PCNX1: variants seen among roughly 807,000 people sequenced by gnomAD.
PCNX1 encodes pecanex-like protein 1.
In PCNX1, 78 loss-of-function variants were observed where a neutral mutation model predicts 242.2. That is an observed-to-expected ratio of 0.32 (90% confidence interval 0.27 to 0.39). The LOEUF is 0.39. Among genes scored for constraint, PCNX1 ranks in the 10% least tolerant of loss-of-function variants. The probability of loss-of-function intolerance (pLI) is 1.00; values close to 1 mark genes in which losing one functional copy is unlikely to be tolerated. For synonymous variants in PCNX1, 1,024 were observed against 1,032.9 expected (o/e 0.99, Z 0.17); for missense variants, 2,581 against 2,856.5 (o/e 0.90, Z 2.20).
chr14:71,009,702 G>A lies in PCNX1; in HGVS notation c.2698G>A (p.Ala900Thr), dbSNP rs1327937190. The part of the protein sequence containing the change: ...DMSLVNFEPA[A>T]RRASNICDTD... The stretch of plus-strand genomic sequence containing the variant: ...GTCACTTGTGAATTTTGAACCAGCA[G>A]CAAGAAGAGCATCCAATATCTGGTA... Residue 900 changes from alanine to threonine, a missense_variant, in exon 9 of 36, where the codon GCA becomes ACA. Physicochemically the swap from Ala to Thr is moderately conservative, Grantham distance 58. Coordinates refer to ENST00000304743, the MANE Select transcript of PCNX1 (RefSeq NM_014982.3). The A allele has an allele frequency of 1.3e-6, 2 of 1,598,926 alleles. No individual in the cohort carries two copies. The highest frequency in any genetic ancestry group is 1.7e-6 in the Non-Finnish European group (2 of 1,168,620).
intron 2 of PCNX1, among the ~76,000 whole-genome samples, chr14:70,955,737 A>G (rs2057968347): frequency 6.6e-6 from 1 of 152,232 alleles, no homozygotes; most frequent in Admixed American, 6.5e-5. Flanking sequence ...AGTCTTGCCA[A>G]TAAAGAAAAC....
rs755161488 is a variant in PCNX1 at position 70,959,086 on chromosome 14, T to TA, written c.363-3134dup. 7.9e-4 allele frequency among the ~76,000 whole-genome samples: 119 copies of TA among 151,208 alleles called. 2 individuals carry two copies. The highest frequency in any genetic ancestry group is 1.3e-3 in the Admixed American group (20 of 15,194). ...CTCTGTTTATACCAGGTAGAATTAG[T>TA]AAAAAACTCTGGGCAAAAAGTAGGA... On this transcript the variant is annotated intron_variant, in intron 2 of 35. Transcript: ENST00000304743.
At chr14:71,036,239 T>A in intron 19 of PCNX1, 82 bp downstream of exon 19, 1 of 869,188 alleles carries the variant, frequency 1.2e-6, no homozygotes, top group African/African-American at 1.7e-5. Context: ...AGTGCAGTGT[T>A]GCGATCACAG....
At chr14:70,946,864 T>C in intron 1 of PCNX1, 51 bp from the exon 2 acceptor site, 1 of 1,179,330 alleles carries the variant, frequency 8.5e-7, no homozygotes, top group Non-Finnish European at 1.2e-6. Flanking sequence ...TCTAATTGAA[T>C]ACGATATAAA....
In PCNX1 at chr14:71,026,841, A is replaced by C. The variant is rs1223493698; in HGVS notation, c.3425A>C (p.Tyr1142Ser). Reference protein sequence around the residue: ...LLPQVNTFVMYLCEQLDIHIF... With the variant: ...LLPQVNTFVMSLCEQLDIHIF... ...CCTCAGGTGAATACATTTGTAATGT[A>C]CCTTTGTGAACAATTGGATATTCAT... is the stretch of plus-strand genomic sequence containing the variant. The change falls in exon 15 of 36, where the codon TAC becomes TCC. Residue 1142 changes from tyrosine to serine, a missense_variant. Transcript: ENST00000304743. 1 of 1,575,114 alleles carries C rather than the reference A, an allele frequency of 6.3e-7. No individual in the cohort carries two copies. The highest frequency in any genetic ancestry group is 1.1e-5 in the South Asian group (1 of 89,680).
At chr14:71,072,505 A>G (rs1247382453) in intron 26 of PCNX1, among the ~76,000 whole-genome samples, 1 of 152,342 alleles carries the variant, frequency 6.6e-6, no homozygotes, top group East Asian at 1.9e-4. Context: ...TAGCTTGGCT[A>G]TAAAAACCTT....
At chr14:70,924,333 T>C (rs2056504241) in intron 1 of PCNX1, among the ~76,000 whole-genome samples, 1 of 151,938 alleles carries the variant, frequency 6.6e-6, no homozygotes, top group Admixed American at 6.6e-5. Flanking sequence ...CATAGAAAAG[T>C]CTCAAAGATA....
chr14:71,083,540 G>A (rs2061908499), intron 28 of PCNX1, among the ~76,000 whole-genome samples: 1 of 152,024 alleles, frequency 6.6e-6, no homozygotes, highest in Non-Finnish European at 1.5e-5. Flanking sequence ...TGGAGGCTTT[G>A]TTCGTTCCTT....
chr14:70,999,895 T>G (rs1366487131), intron 8 of PCNX1, among the ~76,000 whole-genome samples: 1 of 152,228 alleles, frequency 6.6e-6, no homozygotes, highest in Non-Finnish European at 1.5e-5. Context: ...CATTTTGGGC[T>G]ATTAGTACTT....
chr14:71,112,999 T>C lies in PCNX1; in HGVS notation c.*3064T>C, dbSNP rs1566819762. The C allele has an allele frequency of 6.6e-6, 1 of 152,220 alleles. No homozygotes were observed. The highest frequency in any genetic ancestry group is 1.5e-5 in the Non-Finnish European group (1 of 68,030). The allele number at this position is 152,220 out of a possible 1,614,324, so 9.4% of individuals were successfully genotyped here. The stretch of plus-strand genomic sequence containing the variant: ...TAATCTTCCAACTTATACCTTGGTG[T>C]GAACTCTCTTTTTACACCATTTTCA... On this transcript the variant is annotated 3_prime_UTR_variant, in exon 36 of 36. Transcript: ENST00000304743.
chr14:70,948,987 A>G (rs1283598461), intron 2 of PCNX1, among the ~76,000 whole-genome samples: 1 of 147,572 alleles, frequency 6.8e-6, no homozygotes, highest in African/African-American at 2.5e-5. Context: ...AAATGCTTAT[A>G]AATCTCAGCA....
chr14:71,051,731 A>T (rs1424319473), intron 23 of PCNX1, 152 bp from the exon 24 acceptor site: 1 of 660,472 alleles, frequency 1.5e-6, no homozygotes, highest in South Asian at 2.1e-5. Context: ...CCCCTTAATG[A>T]CTGCCCAGTG....
In PCNX1 at chr14:71,026,107, T is replaced by C. The variant is rs746380996; in HGVS notation, c.3184-10T>C. ...TAACCAAACTGACTTTTAAAAAATA[T>C]CATTTTCAGGGTCATAATCGTATCA... On this transcript the variant is annotated splice_polypyrimidine_tract_variant and intron_variant, in intron 13 of 35. Coordinates refer to ENST00000304743, the MANE Select transcript of PCNX1 (RefSeq NM_014982.3). 5.3e-6 allele frequency: 8 copies of C among 1,520,824 alleles called. No individual in the cohort carries two copies. In the East Asian group the frequency reaches 1.4e-4, roughly 27 times the overall value. 94.2% of individuals were successfully genotyped at this position (1,520,824 alleles called of 1,614,324 possible). A position where few individuals can be genotyped will look rare whatever the true frequency, so the allele number is the denominator to read the frequency against.
Position 70,988,597 on chromosome 14 carries a change from T to A in PCNX1, c.2342T>A (p.Phe781Tyr). ...CAAGCCAGCGAGGAGGCAGTGTCAT[T>A]TCGCCGTGAACGCAGCACATTTAGG... ...AAQASEEAVS[F>Y]RRERSTFRRQ... is the part of the protein sequence containing the mutation. Residue 781 changes from phenylalanine to tyrosine, a missense_variant, in exon 7 of 36, where the codon TTT becomes TAT. Coordinates refer to ENST00000304743, the MANE Select transcript of PCNX1 (RefSeq NM_014982.3). 6.2e-7 allele frequency: 1 copy of A among 1,614,092 alleles called. No homozygotes were observed. The highest frequency in any genetic ancestry group is 8.5e-7 in the Non-Finnish European group (1 of 1,179,972).
At chr14:70,917,154 T>C (rs1287767576) in intron 1 of PCNX1, among the ~76,000 whole-genome samples, 3 of 152,240 alleles carry the variant, frequency 2.0e-5, no homozygotes, top group African/African-American at 7.2e-5. Flanking sequence ...ATCTGTGGGA[T>C]TTCCTCCACT....
At position 71,057,796 on chromosome 14, in the gene PCNX1, C is replaced by T. The variant is rs374626917; in HGVS notation, c.4852+72C>T. 6 of 1,018,642 alleles carry T rather than the reference C, an allele frequency of 5.9e-6. No homozygotes were observed. In the East Asian group the frequency reaches 1.4e-4, roughly 24 times the overall value. The allele number at this position is 1,018,642 out of a possible 1,614,324, so 63.1% of individuals were successfully genotyped here. On this transcript the variant is annotated intron_variant, in intron 26 of 35. Transcript: ENST00000304743. The stretch of plus-strand genomic sequence containing the variant: ...ACCTTAGTTTTACATGTTTCTATCT[C>T]AAACCAGAAGTTGTCATAGAATTAG...
Position 71,073,687 on chromosome 14 carries a change from A to C in PCNX1, c.4995A>C (p.Glu1665Asp). Reference protein sequence around the residue: ...AAFSQRWLAWEVIVTKYILEG... With the variant: ...AAFSQRWLAWDVIVTKYILEG... ...TTAGCCAGCGATGGCTAGCTTGGGAAGTGATAGTCACAAAGTACATTCTGG... is the reference window on the plus strand; with the variant it reads ...TTAGCCAGCGATGGCTAGCTTGGGACGTGATAGTCACAAAGTACATTCTGG... Residue 1665 changes from glutamate to aspartate, a missense_variant, in exon 27 of 36, where the codon GAA (glutamate) becomes GAC (aspartate). This residue lies in a region of PCNX1 where 298 missense variants were observed against 480.1 expected (regional missense o/e 0.62). Coordinates refer to ENST00000304743, the MANE Select transcript of PCNX1 (RefSeq NM_014982.3). 6.2e-7 allele frequency: 1 copy of C among 1,614,104 alleles called. No homozygotes were observed. The highest frequency in any genetic ancestry group is 8.5e-7 in the Non-Finnish European group (1 of 1,179,984).
At chr14:71,020,469 T>C (rs2060070982) in intron 12 of PCNX1, among the ~76,000 whole-genome samples, 1 of 152,192 alleles carries the variant, frequency 6.6e-6, no homozygotes, top group Admixed American at 6.5e-5. Flanking sequence ...TAATGATTGC[T>C]GTTCTAACTG....
intron 22 of PCNX1, among the ~76,000 whole-genome samples, chr14:71,050,403 T>A (rs2060993198): frequency 6.6e-6 from 1 of 152,324 alleles, no homozygotes; most frequent in South Asian, 2.1e-4. Context: ...GAATTTTTTT[T>A]AAACAGATGA....
Sources: allele counts gnomAD v4.1 joint callset (sites outside exome capture counted in the v4.1 genomes callset), GRCh38; gene constraint gnomAD v4.1.1; regional missense constraint gnomAD v4.1.1; transcripts MANE v1.5; gene names NCBI Gene and HGNC (gene_info 2026-07-23, HGNC 2026-07-21).